CCR6: variants seen among roughly 807,000 people sequenced by gnomAD.
CCR6 encodes C-C chemokine receptor type 6.
Under a neutral mutation model 3.0 loss-of-function variants are expected in CCR6, and 2 were observed. The ratio of observed to expected loss-of-function variants is 0.66; its 90% CI spans 0.27 to 2.07. The LOEUF (loss-of-function observed/expected upper bound fraction) is 2.07, where lower values mean the gene tolerates loss of function less well. Ranked by LOEUF, CCR6 falls within the 30% of genes most tolerant of loss-of-function variation. CCR6 has a pLI of 0.14. For missense variants in CCR6, 322 were observed against 462.8 expected, an observed-to-expected ratio of 0.70 and a Z score of 2.79; for synonymous variants, 193 against 184.3, an observed-to-expected ratio of 1.05 and a Z score of -0.38.
chr6:167,125,677 G>A lies in CCR6; in HGVS notation c.-98+2454G>A, dbSNP rs1402211540. On this transcript the variant is annotated intron_variant, in intron 1 of 2. Coordinates refer to ENST00000341935, the MANE Select transcript of CCR6 (RefSeq NM_031409.4). ...GGCCTTAAATCCTATAGTGAGGGCA[G>A]CCCCTCCCTCTTTCTTCTGGTTCTG... Among the ~76,000 whole-genome samples, 5 of 152,176 alleles carry A rather than the reference G, an allele frequency of 3.3e-5. No individual in the cohort carries two copies. The East Asian group carries it at 9.6e-4, about 29-fold the overall frequency.
chr6:167,135,239 T>C (rs1012653540), intron 1 of CCR6, among the ~76,000 whole-genome samples: 2 of 152,198 alleles, frequency 1.3e-5, no homozygotes, highest in African/African-American at 4.8e-5. Context: ...CTCACCATTC[T>C]CCAAGAACCC....
In CCR6 at chr6:167,136,340, C is replaced by T. The variant is rs1781849821; in HGVS notation, c.110C>T (p.Ser37Phe). Reference sequence around the variant, plus strand: ...GTTGATTCTGAGATGTTACTGTGCTCCTTGCAGGAGGTCAGGCAGTTCTCC... The same window carrying T: ...GTTGATTCTGAGATGTTACTGTGCTTCTTGCAGGAGGTCAGGCAGTTCTCC... ...YSVDSEMLLC[S>F]LQEVRQFSRL... Residue 37 changes from serine to phenylalanine, a missense_variant, in exon 3 of 3, where the codon TCC (serine) becomes TTC (phenylalanine). Physicochemically the swap from Ser to Phe is radical, Grantham distance 155. Coordinates refer to ENST00000341935, the MANE Select transcript of CCR6 (RefSeq NM_031409.4). The surrounding 1 kb of genome is among the most constrained non-coding windows in gnomAD (Gnocchi z 4.6). 1 of 1,614,132 alleles carries T rather than the reference C, an allele frequency of 6.2e-7. No individual in the cohort carries two copies. Among genetic ancestry groups the T allele is most frequent in the South Asian group, 1.1e-5 (1 of 91,062 alleles).
At chr6:167,132,728 A>G (rs1320774063) in intron 1 of CCR6, among the ~76,000 whole-genome samples, 3 of 152,172 alleles carry the variant, frequency 2.0e-5, no homozygotes, top group Non-Finnish European at 4.4e-5. Context: ...TTTAGTAAAG[A>G]TGGGGTTTCA....
upstream of CCR6, among the ~76,000 whole-genome samples, chr6:167,117,951 T>G (rs1362762763): frequency 6.6e-5 from 10 of 151,790 alleles, no homozygotes; most frequent in Admixed American, 3.3e-4. Flanking sequence ...TCTGTTTTTT[T>G]TTTTTTTTTT....
intron 1 of CCR6, among the ~76,000 whole-genome samples, chr6:167,128,870 G>A (rs763904871): frequency 2.6e-5 from 4 of 152,184 alleles, no homozygotes; most frequent in African/African-American, 4.8e-5. Context: ...CAATGCACGC[G>A]GCCTGCTTAT....
rs1409794271 is a variant in CCR6 at position 167,137,312 on chromosome 6, G to C, written c.1082G>C (p.Ser361Thr). The change falls in exon 3 of 3, where the codon AGT becomes ACT. Residue 361 changes from serine (S) to threonine (T), a missense_variant. Ser to Thr is a moderately conservative substitution (Grantham distance 58). Transcript: ENST00000341935. This position sits in a 1 kb window ranked among gnomAD's most constrained non-coding sequence, Gnocchi z 4.6. ...RYSENISRQTSETADNDNASS... is the reference protein window; with the variant it reads ...RYSENISRQTTETADNDNASS... ...TCAGAAAACATTTCTCGGCAGACCAGTGAGACCGCAGATAACGACAATGCG... is the reference window on the plus strand; with the variant it reads ...TCAGAAAACATTTCTCGGCAGACCACTGAGACCGCAGATAACGACAATGCG... 6.2e-7 allele frequency: 1 copy of C among 1,613,804 alleles called. No individual in the cohort carries two copies. Among genetic ancestry groups the C allele is most frequent in the Non-Finnish European group, 8.5e-7 (1 of 1,180,020 alleles).
chr6:167,131,008 C>T (rs547421774), intron 1 of CCR6, among the ~76,000 whole-genome samples: 58 of 150,092 alleles, frequency 3.9e-4, no homozygotes, highest in African/African-American at 1.4e-3. Flanking sequence ...CTTTGGGACC[C>T]CTCCTTCTGG....
intron 1 of CCR6, among the ~76,000 whole-genome samples, chr6:167,128,016 C>A (rs1781697105): frequency 6.6e-6 from 1 of 152,256 alleles, no homozygotes; most frequent in Non-Finnish European, 1.5e-5. Flanking sequence ...GTGGCCCCCT[C>A]TTCTGTCTGC....
At chr6:167,133,947 T>C (rs943553409) in intron 1 of CCR6, among the ~76,000 whole-genome samples, 13 of 44,096 alleles carry the variant, frequency 2.9e-4, no homozygotes, top group African/African-American at 5.8e-4. Flanking sequence ...TATATATATA[T>C]ATATATATAT....
chr6:167,120,163 A>T (rs957743551), upstream of CCR6, among the ~76,000 whole-genome samples: 1 of 151,904 alleles, frequency 6.6e-6, no homozygotes, highest in Admixed American at 6.6e-5. Context: ...AGTGCTTCTC[A>T]GTTGGGGCCT....
At chr6:167,113,616 C>A (rs1286097528) in intron 1 of CCR6, among the ~76,000 whole-genome samples, 1 of 152,216 alleles carries the variant, frequency 6.6e-6, no homozygotes, top group Non-Finnish European at 1.5e-5. Context: ...CGACGCCCAG[C>A]TCCCCTGGAG....
chr6:167,136,306 T>C lies in CCR6; in HGVS notation c.76T>C (p.Tyr26His), dbSNP rs1484591991. 1.9e-6 allele frequency: 3 copies of C among 1,613,202 alleles called. No homozygotes were observed. In the Admixed American group the frequency reaches 5.0e-5, roughly 27 times the overall value. Residue 26 changes from tyrosine to histidine, a missense_variant, in exon 3 of 3, where the codon TAT (tyrosine) becomes CAT (histidine). By Grantham distance (83) the Tyr-to-His change is moderately conservative. Coordinates refer to ENST00000341935, the MANE Select transcript of CCR6 (RefSeq NM_031409.4). The surrounding 1 kb of genome is among the most constrained non-coding windows in gnomAD (Gnocchi z 4.6). ...TTATTTTGTGTCAGTCAATACTTCA[T>C]ATTACTCAGTTGATTCTGAGATGTT... ...EDYFVSVNTS[Y>H]YSVDSEMLLC...
intron 1 of CCR6, among the ~76,000 whole-genome samples, chr6:167,113,770 T>C (rs1434872367): frequency 6.6e-6 from 1 of 152,248 alleles, no homozygotes; most frequent in African/African-American, 2.4e-5. Flanking sequence ...GCTGTGTTGC[T>C]GAGTAAAATA....
upstream of CCR6, chr6:167,122,999 T>C (rs750289130): frequency 2.0e-5 from 3 of 152,644 alleles, no homozygotes; most frequent in Non-Finnish European, 4.4e-5. The surrounding 1 kb of genome is among the most constrained non-coding windows in gnomAD (Gnocchi z 4.2). Flanking sequence ...CTACAGGATA[T>C]ACATGGTTAA....
intron 1 of CCR6, among the ~76,000 whole-genome samples, chr6:167,130,111 A>C (rs916920546): frequency 2.0e-5 from 3 of 151,790 alleles, no homozygotes; most frequent in African/African-American, 7.3e-5. Flanking sequence ...TGTATTTTAC[A>C]TGTGATTTAA....
intron 1 of CCR6, chr6:167,126,999 A>G (rs1048216273): frequency 1.3e-5 from 2 of 152,156 alleles, no homozygotes; most frequent in African/African-American, 4.8e-5. Flanking sequence ...TTTATAAATT[A>G]CTCAGTCTCA....
rs1215514668 is a variant in CCR6, at chr6:167,137,166, C to T, written c.936C>T (p.Asn312=). The change falls in exon 3 of 3, where the codon AAC becomes AAT. Residue 312 remains asparagine, a synonymous_variant. Coordinates refer to ENST00000341935, the MANE Select transcript of CCR6 (RefSeq NM_031409.4). The surrounding 1 kb of genome is among the most constrained non-coding windows in gnomAD (Gnocchi z 4.6). ...EVLAFLHCCL[N]PVLYAFIGQK... ...TGGCTTTCCTGCACTGCTGCCTGAA[C>T]CCTGTGCTCTACGCTTTTATTGGGC... 9.3e-6 allele frequency: 15 copies of T among 1,614,134 alleles called. No homozygotes were observed. The highest frequency in any genetic ancestry group is 1.3e-5 in the Non-Finnish European group (15 of 1,179,990).
chr6:167,112,733 A>G (rs1455379884), intron 1 of CCR6, among the ~76,000 whole-genome samples: 1 of 152,148 alleles, frequency 6.6e-6, no homozygotes, highest in Admixed American at 6.5e-5. Context: ...AGGAGGGAGG[A>G]AAGAGCCACA....
chr6:167,133,964 A>ATATATATATATATG (rs1188778668), intron 1 of CCR6, among the ~76,000 whole-genome samples: 28 of 111,816 alleles, frequency 2.5e-4, no homozygotes, highest in East Asian at 1.6e-3. Context: ...ATATATATAT[A>ATATATATATATATG]TATATAGTTT....
Sources: allele counts gnomAD v4.1 joint callset (sites outside exome capture counted in the v4.1 genomes callset), GRCh38; gene constraint gnomAD v4.1.1; non-coding constraint Gnocchi (gnomAD v3.1); transcripts MANE v1.5; gene names NCBI Gene and HGNC (gene_info 2026-07-23, HGNC 2026-07-21).